The following CUL3 variants were observed in gnomAD, a reference collection of about 807,000 sequenced individuals.
CUL3 encodes the protein cullin-3.
CUL3 carries 19 observed loss-of-function variants against 89.1 expected under a neutral mutation model. That is an observed-to-expected ratio of 0.21 (90% CI 0.15 to 0.31). The LOEUF is 0.31. Ranked by LOEUF, CUL3 falls within the 10% of genes least tolerant of loss-of-function variation. CUL3 has a pLI of 1.00. For missense variants in CUL3, 469 were observed against 942.3 expected, an observed-to-expected ratio of 0.50 and a Z score of 6.58; for synonymous variants, 351 against 308.4, an observed-to-expected ratio of 1.14 and a Z score of -1.45.
At chr2:224,564,667 G>T (rs1029521545) in intron 1 of CUL3, among the ~76,000 whole-genome samples, 1 of 152,142 alleles carries the variant, frequency 6.6e-6, no homozygotes, top group African/African-American at 2.4e-5. Flanking sequence ...CCCTGTGGAT[G>T]GGGTGGGGAC....
chr2:224,493,002 C>T (rs566623081), intron 13 of CUL3, among the ~76,000 whole-genome samples: 239 of 152,266 alleles, frequency 1.6e-3, no homozygotes, highest in Middle Eastern at 0.01. Context: ...AATTTGCCAG[C>T]CATGTGAACC....
Position 224,503,080 on chromosome 2 carries a change from G to A in CUL3, c.1378-8C>T, listed in dbSNP as rs2106194970. 6.5e-7 allele frequency: 1 copy of A among 1,533,864 alleles called. No homozygotes were observed. The highest frequency in any genetic ancestry group is 9.0e-7 in the Non-Finnish European group (1 of 1,108,324). On this transcript the variant is annotated splice_region_variant and splice_polypyrimidine_tract_variant and intron_variant, in intron 9 of 15. Coordinates refer to ENST00000264414, the MANE Select transcript of CUL3 (RefSeq NM_003590.5). Reference sequence around the variant, plus strand: ...CTGACATCCACATTCAGTCTGTGGAGGAAAAACACAAATATACACAAATAA... The same window carrying A: ...CTGACATCCACATTCAGTCTGTGGAAGAAAAACACAAATATACACAAATAA...
chr2:224,475,184 A>T (rs1188108160), intron 15 of CUL3, among the ~76,000 whole-genome samples: 1 of 151,890 alleles, frequency 6.6e-6, no homozygotes, highest in East Asian at 1.9e-4. Flanking sequence ...CACCCGGCTA[A>T]TTTTTTGTAC....
chr2:224,494,649 A>AG (rs1417462666), intron 13 of CUL3, among the ~76,000 whole-genome samples: 7 of 152,196 alleles, frequency 4.6e-5, no homozygotes, highest in African/African-American at 1.7e-4. Flanking sequence ...TCGGTGGGAA[A>AG]AAAATAGTGC....
At chr2:224,520,934 C>T (rs1693235944) in intron 3 of CUL3, among the ~76,000 whole-genome samples, 1 of 152,184 alleles carries the variant, frequency 6.6e-6, no homozygotes, top group Admixed American at 6.5e-5. Flanking sequence ...TGCAAAAATA[C>T]AGTTCCTATT....
intron 1 of CUL3, among the ~76,000 whole-genome samples, chr2:224,570,645 A>G (rs1695163077): frequency 6.6e-6 from 1 of 152,172 alleles, no homozygotes; most frequent in African/African-American, 2.4e-5. Context: ...GATGCCAAGG[A>G]AAAAGAAAAA....
At position 224,471,813 on chromosome 2, in the gene CUL3, A is replaced by C. The variant is rs1691141849; in HGVS notation, c.*2432T>G. ...GGCAGAGAATTACACTTTAACAGTT[A>C]CTGAAGAGATGACATGATTTTTGCA... is the stretch of plus-strand genomic sequence containing the variant. On this transcript the variant is annotated 3_prime_UTR_variant, in exon 16 of 16. Transcript: ENST00000264414. 1 of 228,830 alleles carries C rather than the reference A, an allele frequency of 4.4e-6. No homozygotes were observed. Among genetic ancestry groups the C allele is most frequent in the Admixed American group, 5.7e-5 (1 of 17,640 alleles). The allele number at this position is 228,830 out of a possible 1,614,324, so 14.2% of individuals were successfully genotyped here.
intron 2 of CUL3, among the ~76,000 whole-genome samples, chr2:224,548,676 T>C (rs1280778090): frequency 6.6e-6 from 1 of 152,162 alleles, no homozygotes; most frequent in African/African-American, 2.4e-5. Flanking sequence ...TCTTCCCATA[T>C]TAAAACTAAA....
In CUL3 at chr2:224,506,977, T is replaced by C. The variant is rs771286054; in HGVS notation, c.910A>G (p.Ser304Gly). 12 of 1,612,940 alleles carry C rather than the reference T, an allele frequency of 7.4e-6. No homozygotes were observed. The East Asian group carries it at 2.7e-4, about 36-fold the overall frequency. The change falls in exon 7 of 16, where the codon AGT becomes GGT. Residue 304 changes from serine to glycine, a missense_variant. Physicochemically the swap from Ser to Gly is moderately conservative, Grantham distance 56. This residue lies in a region of CUL3 where 370 missense variants were observed against 733.2 expected (regional missense o/e 0.50). Transcript: ENST00000264414. ...GTTTTCAAACCATTTGGCACACGAC[T>C]AAATAACTTGTACATGCAACCAAGG... ...EDLGCMYKLF[S>G]RVPNGLKTMC... is the part of the protein sequence containing the mutation.
intron 6 of CUL3, among the ~76,000 whole-genome samples, chr2:224,507,853 A>G (rs1692659080): frequency 6.6e-6 from 1 of 152,154 alleles, no homozygotes; most frequent in African/African-American, 2.4e-5. Flanking sequence ...TGATAATTTT[A>G]AAAGTTTTAC....
At chr2:224,503,556 A>AATAATCTACCAAATTAATTTCC in intron 9 of CUL3, 96 bp downstream of exon 9, 1 of 1,030,830 alleles carries the variant, frequency 9.7e-7, no homozygotes, top group Non-Finnish European at 1.4e-6. Context: ...ATAAACACTT[A>AATAATCTACCAAATTAATTTCC]ATAATCTACC....
chr2:224,524,557 G>A (rs1412602006), intron 3 of CUL3, among the ~76,000 whole-genome samples: 1 of 152,086 alleles, frequency 6.6e-6, no homozygotes, highest in Non-Finnish European at 1.5e-5. Context: ...GACCCCAGAG[G>A]AACTATGCTC....
intron 13 of CUL3, among the ~76,000 whole-genome samples, chr2:224,487,334 G>A (rs1691764621): frequency 1.3e-5 from 2 of 150,598 alleles, no homozygotes; most frequent in Non-Finnish European, 2.9e-5. Flanking sequence ...ATTGGATAAA[G>A]AGTCAAGGCC....
At chr2:224,508,064 T>C (rs765471886) in intron 6 of CUL3, among the ~76,000 whole-genome samples, 12 of 151,910 alleles carry the variant, frequency 7.9e-5, no homozygotes, top group Admixed American at 5.3e-4. Context: ...TAAAACTTCA[T>C]GGACCCTGAA....
chr2:224,481,831 A>G, intron 14 of CUL3, 61 bp downstream of exon 14: 2 of 1,195,648 alleles, frequency 1.7e-6, no homozygotes, highest in South Asian at 4.2e-5. Context: ...AATAGATGAG[A>G]TTTTTTTTCT....
intron 2 of CUL3, among the ~76,000 whole-genome samples, chr2:224,546,667 T>TGGG (rs75170617): frequency 3.3e-5 from 5 of 150,182 alleles, no homozygotes; most frequent in African/African-American, 1.2e-4. Flanking sequence ...AGAAATAGGA[T>TGGG]GGGGGGGGGT....
At chr2:224,547,576 C>T (rs1694351098) in intron 2 of CUL3, among the ~76,000 whole-genome samples, 1 of 152,042 alleles carries the variant, frequency 6.6e-6, no homozygotes, top group Non-Finnish European at 1.5e-5. Flanking sequence ...TTCTTGCTGG[C>T]AAGAATCATG....
chr2:224,495,801 C>G (rs2106179298), intron 13 of CUL3, 31 bp downstream of exon 13: 1 of 1,559,316 alleles, frequency 6.4e-7, no homozygotes, highest in Non-Finnish European at 8.8e-7. Context: ...AGAAACAACA[C>G]AGTTAAAATG....
intron 2 of CUL3, among the ~76,000 whole-genome samples, chr2:224,555,087 A>G (rs540402610): frequency 2.6e-5 from 4 of 152,290 alleles, no homozygotes; most frequent in South Asian, 4.1e-4. Flanking sequence ...CTCTAAATCT[A>G]TGTGTCTCCA....
Sources: gnomAD v4.1 joint callset for allele counts (sites outside exome capture counted in the v4.1 genomes callset) on GRCh38, gnomAD v4.1.1 for gene constraint, gnomAD v4.1.1 regional missense constraint, MANE v1.5 for transcripts, NCBI Gene and HGNC (gene_info 2026-07-23, HGNC 2026-07-21) for gene names.